The following DPP10 variants were observed in gnomAD, a reference collection of about 807,000 sequenced individuals.
DPP10 encodes dipeptidyl peptidase like 10, also known as inactive dipeptidyl peptidase 10.
In DPP10, 33 loss-of-function variants were observed where a neutral mutation model predicts 120.9. That is an observed-to-expected ratio of 0.27 (90% CI 0.21 to 0.37). The LOEUF is 0.37. Ranked by LOEUF, DPP10 falls within the 10% of genes least tolerant of loss-of-function variation. DPP10 has a pLI of 1.00. For missense variants in DPP10, 816 were observed against 942.8 expected (o/e 0.87, Z 1.76); for synonymous variants, 337 against 326.1 (o/e 1.03, Z -0.36).
chr2:115,652,726 T>A (rs907194694), intron 5 of DPP10, among the ~76,000 whole-genome samples: 2 of 151,750 alleles, frequency 1.3e-5, no homozygotes, highest in East Asian at 3.9e-4. Context: ...GCGAATCATC[T>A]CTTATTCTGC....
chr2:115,781,325 G>A (rs1243407470), intron 16 of DPP10, among the ~76,000 whole-genome samples: 1 of 151,848 alleles, frequency 6.6e-6, no homozygotes, highest in Non-Finnish European at 1.5e-5. Flanking sequence ...TTCAGAAAAA[G>A]TAATAGTCTA....
intron 7 of DPP10, among the ~76,000 whole-genome samples, chr2:115,701,498 G>A (rs2091887089): frequency 6.6e-6 from 1 of 152,024 alleles, no homozygotes; most frequent in Admixed American, 6.6e-5. Flanking sequence ...GAAAATATAA[G>A]TCAGAAGTTT....
At chr2:115,158,230 A>G (rs758816168) in intron 1 of DPP10, among the ~76,000 whole-genome samples, 2 of 152,346 alleles carry the variant, frequency 1.3e-5, no homozygotes, top group African/African-American at 2.4e-5. Context: ...CACAGATACC[A>G]AAACACTATA....
intron 5 of DPP10, among the ~76,000 whole-genome samples, chr2:115,535,230 G>A (rs2078740164): frequency 6.6e-6 from 1 of 151,014 alleles, no homozygotes; most frequent in East Asian, 2.0e-4. Context: ...TTCTTCTAGG[G>A]TTTTTATGGT....
intron 1 of DPP10, among the ~76,000 whole-genome samples, chr2:115,003,176 T>TA (rs140794959): frequency 0.89 from 120,077 of 134,358 alleles, 53,919 homozygotes; most frequent in Non-Finnish European, 0.95. Flanking sequence ...TATGTAGCTA[T>TA]AAAAAAAAAA....
At chr2:115,021,648 C>T (rs992624549) in intron 1 of DPP10, among the ~76,000 whole-genome samples, 1 of 152,054 alleles carries the variant, frequency 6.6e-6, no homozygotes, top group African/African-American at 2.4e-5. Flanking sequence ...GGAATCCTAC[C>T]TAAATCGTTT....
chr2:115,839,170 T>C (rs1689828429), intron 24 of DPP10, among the ~76,000 whole-genome samples: 1 of 152,220 alleles, frequency 6.6e-6, no homozygotes, highest in South Asian at 2.1e-4. Context: ...AGTTTGTACT[T>C]ATGTAGCAAT....
intron 1 of DPP10, among the ~76,000 whole-genome samples, chr2:114,939,923 A>G: frequency 6.6e-6 from 1 of 152,170 alleles, no homozygotes; most frequent in East Asian, 1.9e-4. Flanking sequence ...AAAATTTTCT[A>G]GAACACATTT....
chr2:115,582,148 G>A (rs77492818), intron 5 of DPP10, among the ~76,000 whole-genome samples: 3,503 of 152,228 alleles, frequency 0.023, 63 homozygotes, highest in Non-Finnish European at 0.036. Context: ...TAATATATTG[G>A]TATGTTCCAA....
intron 1 of DPP10, among the ~76,000 whole-genome samples, chr2:114,956,747 C>A (rs1033121312): frequency 6.6e-6 from 1 of 151,958 alleles, no homozygotes; most frequent in Non-Finnish European, 1.5e-5. Context: ...TAAAAACAGA[C>A]ACATTGACAA....
At chr2:115,836,099 ATGTG>A (rs10549769) in intron 21 of DPP10, 54 bp from the exon 22 acceptor site, 3,133 of 591,018 alleles carry the variant, frequency 5.3e-3, no homozygotes, top group South Asian at 7.9e-3. Context: ...GTGTGTGTGT[ATGTG>A]TGTGTGTGTG....
At chr2:114,676,842 GC>G (rs1291512645) in intron 1 of DPP10, among the ~76,000 whole-genome samples, 2 of 151,974 alleles carry the variant, frequency 1.3e-5, no homozygotes, top group African/African-American at 2.4e-5. Context: ...TGGAAATTGA[GC>G]CCTTATAACT....
At chr2:115,266,887 A>C (rs2059486032) in intron 1 of DPP10, among the ~76,000 whole-genome samples, 1 of 152,146 alleles carries the variant, frequency 6.6e-6, no homozygotes. Context: ...AGCTCTTGTG[A>C]TTTTTATTCA....
chr2:114,534,817 G>T (rs1257671441), intron 1 of DPP10, among the ~76,000 whole-genome samples: 2 of 151,994 alleles, frequency 1.3e-5, no homozygotes, highest in Non-Finnish European at 2.9e-5. Flanking sequence ...TTCTTAGATG[G>T]CTTCACCCAA....
chr2:115,029,248 C>G (rs1433882075), intron 1 of DPP10, among the ~76,000 whole-genome samples: 1 of 150,780 alleles, frequency 6.6e-6, no homozygotes, highest in East Asian at 1.9e-4. Context: ...TTTTTGTTTT[C>G]TCAGTTTACA....
chr2:114,977,849 C>CT (rs113944879), intron 1 of DPP10, among the ~76,000 whole-genome samples: 3,416 of 143,394 alleles, frequency 0.024, 100 homozygotes, highest in African/African-American at 0.076. Context: ...TTTCTTTTTT[C>CT]TTTTTTTTTT....
intron 1 of DPP10, among the ~76,000 whole-genome samples, chr2:115,037,481 T>G (rs191297436): frequency 6.6e-6 from 1 of 152,304 alleles, no homozygotes; most frequent in Admixed American, 6.5e-5. Context: ...TTCCAGGGCC[T>G]CCGGCAGGCA....
intron 1 of DPP10, chr2:115,064,550 T>A: frequency 1.2e-6 from 1 of 819,718 alleles, no homozygotes; most frequent in Non-Finnish European, 1.6e-6. Context: ...GGGTTAATTC[T>A]GCCCCACCAC....
intron 5 of DPP10, among the ~76,000 whole-genome samples, chr2:115,681,222 G>A (rs188437830): frequency 1.8e-4 from 27 of 151,886 alleles, no homozygotes; most frequent in South Asian, 4.1e-4. Context: ...TATCCTAAGC[G>A]TATGCAAAAT....
Sources: allele counts gnomAD v4.1 joint callset (sites outside exome capture counted in the v4.1 genomes callset), GRCh38; gene constraint gnomAD v4.1.1; transcripts MANE v1.5; gene names NCBI Gene and HGNC (gene_info 2026-07-23, HGNC 2026-07-21).